Variants in SULF1 observed in about 807,000 individuals in gnomAD.
SULF1 encodes the protein extracellular sulfatase Sulf-1.
SULF1 carries 46 observed loss-of-function variants against 110.5 expected under a neutral mutation model. That is an observed-to-expected ratio of 0.42 (90% CI 0.33 to 0.53). The LOEUF is 0.53. Ranked by LOEUF, SULF1 falls within the 20% of genes least tolerant of loss-of-function variation. SULF1 has a pLI of 0.12. For missense variants in SULF1, 941 were observed against 1,094.2 expected (o/e 0.86, Z 1.98); for synonymous variants, 371 against 387.1 (o/e 0.96, Z 0.49).
intron 19 of SULF1, among the ~76,000 whole-genome samples, chr8:69,634,407 G>A (rs4532602): frequency 0.016 from 2,456 of 152,280 alleles, 63 homozygotes; most frequent in African/African-American, 0.056. Flanking sequence ...TTTACTTAAA[G>A]GGTGCACATC....
At chr8:69,468,800 G>A (rs1563450867) in intron 1 of SULF1, among the ~76,000 whole-genome samples, 1 of 152,182 alleles carries the variant, frequency 6.6e-6, no homozygotes, top group Non-Finnish European at 1.5e-5. Flanking sequence ...AGAAAGTCAA[G>A]TGCCTCCTCA....
chr8:69,513,464 G>T (rs976576331), intron 3 of SULF1, among the ~76,000 whole-genome samples: 5 of 152,224 alleles, frequency 3.3e-5, no homozygotes, highest in Admixed American at 2.6e-4. Context: ...AAAGCTCTTT[G>T]CCATACACCA....
chr8:69,514,931 G>A (rs537149224), intron 3 of SULF1, among the ~76,000 whole-genome samples: 1 of 152,216 alleles, frequency 6.6e-6, no homozygotes, highest in Non-Finnish European at 1.5e-5. Flanking sequence ...CCAAGGCTTT[G>A]GGAAGTTCTG....
Position 69,603,260 on chromosome 8 carries a change from C to G in SULF1, c.1130C>G (p.Pro377Arg). 1.2e-6 allele frequency: 2 copies of G among 1,614,150 alleles called. No individual in the cohort carries two copies. The highest frequency in any genetic ancestry group is 1.7e-6 in the Non-Finnish European group (2 of 1,180,028). Residue 377 changes from proline to arginine, a missense_variant, in exon 11 of 23, where the codon CCT becomes CGT. Around this residue, in one of 3 missense-constraint regions of SULF1, gnomAD observed 822 missense variants for 934.3 expected, o/e 0.88. Transcript: ENST00000402687. The part of the protein sequence containing the change: ...TILDIAGLDT[P>R]PDVDGKSVLK... ...CTGGATATTGCTGGGCTCGACACAC[C>G]TCCTGATGTGGACGGCAAGTCTGTC...
chr8:69,628,193 G>A lies in SULF1; in HGVS notation c.2065G>A (p.Val689Ile). ...KQSYYNKEKG[V>I]KKQEKLKSHL... is the part of the protein sequence containing the mutation. ...CAGCTATTACAATAAAGAGAAAGGT[G>A]TAAAAAAGCAAGAGAAATTAAAGAG... The change falls in exon 18 of 23, where the codon GTA (valine) becomes ATA (isoleucine). Residue 689 changes from valine to isoleucine, a missense_variant. Around this residue, in one of 3 missense-constraint regions of SULF1, gnomAD observed 822 missense variants for 934.3 expected, o/e 0.88. Coordinates refer to ENST00000402687, the MANE Select transcript of SULF1 (RefSeq NM_001128205.2). 7.4e-6 allele frequency: 12 copies of A among 1,613,812 alleles called. No individual in the cohort carries two copies. Among genetic ancestry groups the A allele is most frequent in the Non-Finnish European group, 1.0e-5 (12 of 1,179,704 alleles).
intron 1 of SULF1, among the ~76,000 whole-genome samples, chr8:69,486,338 C>G (rs1213019464): frequency 6.6e-6 from 1 of 150,978 alleles, no homozygotes; most frequent in Non-Finnish European, 1.5e-5. Context: ...AAAAAAATCA[C>G]AAATCTGTAG....
intron 3 of SULF1, among the ~76,000 whole-genome samples, chr8:69,559,551 C>T (rs1284624033): frequency 6.6e-6 from 1 of 152,228 alleles, no homozygotes; most frequent in Non-Finnish European, 1.5e-5. Context: ...TGGTAACAAA[C>T]ACTGTCAATT....
intron 1 of SULF1, among the ~76,000 whole-genome samples, chr8:69,467,998 G>C (rs1586179786): frequency 1.3e-5 from 2 of 152,088 alleles, no homozygotes; most frequent in Non-Finnish European, 2.9e-5. Flanking sequence ...TTAAAAAAAA[G>C]GCCTTTCAAT....
intron 21 of SULF1, among the ~76,000 whole-genome samples, chr8:69,639,834 C>T (rs905563734): frequency 3.3e-5 from 5 of 152,202 alleles, no homozygotes; most frequent in African/African-American, 1.2e-4. Context: ...ATATCACCAC[C>T]TGTCATCTCC....
At chr8:69,471,261 C>T (rs1809072130) in intron 1 of SULF1, among the ~76,000 whole-genome samples, 1 of 152,092 alleles carries the variant, frequency 6.6e-6, no homozygotes. Flanking sequence ...CTTTAATGAC[C>T]CACAGAAGAC....
intron 22 of SULF1, among the ~76,000 whole-genome samples, chr8:69,652,282 A>G (rs971542433): frequency 6.6e-6 from 1 of 152,212 alleles, no homozygotes. Flanking sequence ...CCCTTTGGCC[A>G]GGTAAAGGAA....
intron 1 of SULF1, among the ~76,000 whole-genome samples, chr8:69,482,944 A>C (rs1809566225): frequency 6.6e-6 from 1 of 152,150 alleles, no homozygotes; most frequent in Non-Finnish European, 1.5e-5. Flanking sequence ...TAGAAAAACT[A>C]TTCAGGGGAA....
At chr8:69,593,520 T>C (rs555951528) in intron 8 of SULF1, among the ~76,000 whole-genome samples, 66 of 152,276 alleles carry the variant, frequency 4.3e-4, no homozygotes, top group African/African-American at 1.5e-3. Flanking sequence ...TACCTGACCC[T>C]CTCAGACTGG....
intron 19 of SULF1, chr8:69,638,043 A>T: frequency 1.2e-5 from 2 of 170,792 alleles, no homozygotes; most frequent in Non-Finnish European, 2.4e-5. Flanking sequence ...CTTTGTTGCA[A>T]AATCCCATCT....
At chr8:69,643,321 A>G (rs565657546) in intron 22 of SULF1, among the ~76,000 whole-genome samples, 4 of 152,186 alleles carry the variant, frequency 2.6e-5, no homozygotes, top group Non-Finnish European at 5.9e-5. Flanking sequence ...CTGTCTTCCA[A>G]TGGGGTTCAA....
rs186906915 is a variant in SULF1, at chr8:69,579,954, T to C, written c.412+3745T>C. Among the ~76,000 whole-genome samples, 10 of 152,306 alleles carry C rather than the reference T, an allele frequency of 6.6e-5. No individual in the cohort carries two copies. In the East Asian group the frequency reaches 1.7e-3, roughly 26 times the overall value. On this transcript the variant is annotated intron_variant, in intron 6 of 22. Coordinates refer to ENST00000402687, the MANE Select transcript of SULF1 (RefSeq NM_001128205.2). ...GAAATATGTACTATACATACATAAA[T>C]ATCCATCTAGAGAGTAAGTTTTATG...
intron 3 of SULF1, among the ~76,000 whole-genome samples, chr8:69,525,154 A>C (rs1812571730): frequency 6.6e-6 from 1 of 151,968 alleles, no homozygotes; most frequent in South Asian, 2.1e-4. Flanking sequence ...AAATTTTTTT[A>C]TTTTCCCTAG....
intron 8 of SULF1, among the ~76,000 whole-genome samples, chr8:69,595,665 G>T (rs1349098366): frequency 6.6e-6 from 1 of 152,216 alleles, no homozygotes; most frequent in Non-Finnish European, 1.5e-5. Flanking sequence ...CTCAGAGAAT[G>T]ATGGTTCTGC....
At position 69,625,793 on chromosome 8, in the gene SULF1, G is replaced by A. The variant is rs1007665407; in HGVS notation, c.1851-1417G>A. 5.3e-5 allele frequency among the ~76,000 whole-genome samples: 8 copies of A among 152,172 alleles called. No homozygotes were observed. In the East Asian group the frequency reaches 9.6e-4, roughly 18 times the overall value. ...TTCCACAGTGTGGAAGGGGACCCAG[G>A]CAGATTGCCACTGCTGGCTCCGGCA... On this transcript the variant is annotated intron_variant, in intron 15 of 22. Transcript: ENST00000402687.
Sources: gnomAD v4.1 joint callset for allele counts (sites outside exome capture counted in the v4.1 genomes callset) on GRCh38, gnomAD v4.1.1 for gene constraint, gnomAD v4.1.1 regional missense constraint, MANE v1.5 for transcripts, NCBI Gene and HGNC (gene_info 2026-07-23, HGNC 2026-07-21) for gene names.